The following CATSPERT variants were observed in gnomAD, a reference collection of about 807,000 sequenced individuals.
CATSPERT encodes cation channel sperm-associated targeting subunit tau.
the CATSPERT span, chr2:201,555,113 T>C: frequency 6.6e-6 from 1 of 152,252 alleles, no homozygotes; most frequent in East Asian, 1.9e-4. Context: ...TACGAATTAC[T>C]ATAATTCCAA....
chr2:201,498,983 C>T, the CATSPERT span, among the ~76,000 whole-genome samples: 1 of 151,538 alleles, frequency 6.6e-6, no homozygotes, highest in Admixed American at 6.6e-5. Flanking sequence ...AAGGGAGTTC[C>T]ATCCAGGAAA....
At chr2:201,563,137 GCGGGGGGC>G in the CATSPERT span, among the ~76,000 whole-genome samples, 2 of 59,392 alleles carry the variant, frequency 3.4e-5, no homozygotes, top group Admixed American at 4.4e-4. Flanking sequence ...GGCTGGCCGG[GCGGGGGGC>G]TGACCCCCCA....
the CATSPERT span, among the ~76,000 whole-genome samples, chr2:201,578,492 C>T: frequency 6.6e-6 from 1 of 152,120 alleles, no homozygotes; most frequent in African/African-American, 2.4e-5. Context: ...CTCCATTCTG[C>T]TGTTGAGCCC....
the CATSPERT span, chr2:201,549,771 A>G: frequency 6.6e-6 from 1 of 152,156 alleles, no homozygotes; most frequent in East Asian, 1.9e-4. Context: ...AATACTAACA[A>G]CTAAACTAAC....
chr2:201,491,404 T>G, the CATSPERT span: 1 of 1,537,260 alleles, frequency 6.5e-7, no homozygotes, highest in African/African-American at 1.4e-5. Context: ...AACCTTATAT[T>G]GGAATGACTG....
chr2:201,546,323 T>C, the CATSPERT span, among the ~76,000 whole-genome samples: 1 of 152,198 alleles, frequency 6.6e-6, no homozygotes, highest in East Asian at 1.9e-4. Context: ...TATGAATCCT[T>C]TATTTCCAAG....
chr2:201,584,694 A>G, the CATSPERT span, among the ~76,000 whole-genome samples: 1 of 152,100 alleles, frequency 6.6e-6, no homozygotes, highest in African/African-American at 2.4e-5. Context: ...GAGGCAGGAG[A>G]ATCGCTTGAA....
the CATSPERT span, among the ~76,000 whole-genome samples, chr2:201,566,930 T>A: frequency 3.3e-5 from 5 of 152,218 alleles, no homozygotes; most frequent in Admixed American, 6.5e-5. Context: ...ATGAGAATTA[T>A]TAGATCCTAT....
chr2:201,515,215 T>G, the CATSPERT span, among the ~76,000 whole-genome samples: 2 of 35,672 alleles, frequency 5.6e-5, no homozygotes, highest in Non-Finnish European at 9.8e-5. Flanking sequence ...TTTTTTTTTT[T>G]TTTTTTTTTT....
chr2:201,521,959 A>C, the CATSPERT span, among the ~76,000 whole-genome samples: 1 of 152,206 alleles, frequency 6.6e-6, no homozygotes, highest in Non-Finnish European at 1.5e-5. Flanking sequence ...AAAAACTCTT[A>C]ATTAGGTATA....
the CATSPERT span, among the ~76,000 whole-genome samples, chr2:201,601,273 A>AGTGTGTGTGTGT: frequency 1.4e-4 from 6 of 41,806 alleles, no homozygotes; most frequent in Admixed American, 3.6e-4. Flanking sequence ...TAAGGATGAT[A>AGTGTGTGTGTGT]GTGTGTGTGT....
At chr2:201,563,117 C>G in the CATSPERT span, among the ~76,000 whole-genome samples, 1 of 133,660 alleles carries the variant, frequency 7.5e-6, no homozygotes. Flanking sequence ...CCTCACCTCC[C>G]GGATGGGGCG....
At chr2:201,585,712 G>A in the CATSPERT span, among the ~76,000 whole-genome samples, 1 of 152,128 alleles carries the variant, frequency 6.6e-6, no homozygotes, top group Non-Finnish European at 1.5e-5. Flanking sequence ...CCCAGGAGAA[G>A]GATGAAAGAT....
chr2:201,563,010 C>T, the CATSPERT span, among the ~76,000 whole-genome samples: 8 of 151,082 alleles, frequency 5.3e-5, no homozygotes, highest in African/African-American at 1.9e-4. Context: ...CATCCTGGCC[C>T]GTTCTCAATG....
At chr2:201,570,696 T>C in the CATSPERT span, among the ~76,000 whole-genome samples, 1 of 152,252 alleles carries the variant, frequency 6.6e-6, no homozygotes, top group Non-Finnish European at 1.5e-5. Flanking sequence ...CCAACTCCTC[T>C]AGCTCATCCC....
chr2:201,539,192 T>C, the CATSPERT span, among the ~76,000 whole-genome samples: 2 of 152,168 alleles, frequency 1.3e-5, no homozygotes, highest in African/African-American at 2.4e-5. Context: ...AGTAATGGGA[T>C]TGCTGGGTCA....
the CATSPERT span, chr2:201,494,483 C>T: frequency 1.3e-6 from 2 of 1,536,978 alleles, no homozygotes; most frequent in East Asian, 2.4e-5. Flanking sequence ...GTATCTAAAC[C>T]CTTTATTGTA....
At chr2:201,526,526 A>G in the CATSPERT span, among the ~76,000 whole-genome samples, 60 of 152,282 alleles carry the variant, frequency 3.9e-4, no homozygotes, top group Non-Finnish European at 1.2e-4. Context: ...TCAAAAAACA[A>G]AAACCTAGCA....
At chr2:201,495,055 C>T in the CATSPERT span, among the ~76,000 whole-genome samples, 2 of 151,962 alleles carry the variant, frequency 1.3e-5, no homozygotes, top group African/African-American at 2.4e-5. Context: ...TTTTTAACAA[C>T]GCAATTTCTG....
Sources: allele counts gnomAD v4.1 joint callset (sites outside exome capture counted in the v4.1 genomes callset), GRCh38; gene constraint gnomAD v4.1.1; transcripts MANE v1.5; gene names NCBI Gene and HGNC (gene_info 2026-07-23, HGNC 2026-07-21).